TRPM3: variants seen among roughly 807,000 people sequenced by gnomAD.
The protein encoded by TRPM3 is long transient receptor potential channel 3.
In TRPM3, 77 loss-of-function variants were observed where a neutral mutation model predicts 181.2. The observed-to-expected ratio is 0.42, with a 90% CI of 0.35 to 0.51. The LOEUF (loss-of-function observed/expected upper bound fraction) is 0.51. Among genes scored for constraint, TRPM3 ranks in the 20% least tolerant of loss-of-function variants. TRPM3 has a pLI of 0.01. For missense variants in TRPM3, 1,759 were observed against 2,196.7 expected, an observed-to-expected ratio of 0.80 and a Z score of 3.98; for synonymous variants, 745 against 796.4, an observed-to-expected ratio of 0.94 and a Z score of 1.09.
At chr9:71,071,879 A>G (rs1159739018) in intron 1 of TRPM3, among the ~76,000 whole-genome samples, 1 of 152,196 alleles carries the variant, frequency 6.6e-6, no homozygotes, top group African/African-American at 2.4e-5. Flanking sequence ...GAGGGAATCA[A>G]TACACTTCAG....
chr9:71,355,523 T>G (rs1323925149), intron 1 of TRPM3, among the ~76,000 whole-genome samples: 1 of 152,182 alleles, frequency 6.6e-6, no homozygotes, highest in Admixed American at 6.6e-5. Flanking sequence ...ATTTCAGACT[T>G]GAAGTCCAGA....
chr9:71,056,912 G>A lies in TRPM3; in HGVS notation c.177+64266C>T, dbSNP rs951726960. The stretch of plus-strand genomic sequence containing the variant: ...TCATCCACACTCTGGAACTTGTTTG[G>A]TCTTGAGAGGAAAATCGTATCAATG... On this transcript the variant is annotated intron_variant, in intron 1 of 25. Coordinates refer to ENST00000677713, the MANE Select transcript of TRPM3 (RefSeq NM_001366145.2). 3.3e-5 allele frequency among the ~76,000 whole-genome samples: 5 copies of A among 151,998 alleles called. No individual in the cohort carries two copies. The East Asian group carries it at 9.7e-4, about 29-fold the overall frequency.
chr9:71,057,312 G>T (rs1364016773), intron 1 of TRPM3, among the ~76,000 whole-genome samples: 1 of 152,018 alleles, frequency 6.6e-6, no homozygotes, highest in African/African-American at 2.4e-5. Context: ...CCTAGCTTGG[G>T]CTTGGATTGG....
intron 1 of TRPM3, among the ~76,000 whole-genome samples, chr9:71,340,681 GA>G (rs1228740884): frequency 6.6e-6 from 1 of 152,072 alleles, no homozygotes; most frequent in Non-Finnish European, 1.5e-5. Flanking sequence ...TCAGCAGTGT[GA>G]AAACCGACTA....
rs58492210 is a variant in TRPM3 at position 70,572,114 on chromosome 9, T to TTGTGTGTGTGTGTGTGTGTG, written c.3224-18824_3224-18805dup. ...AGATACAATATTTCTTCCCAGTTAC[T>TTGTGTGTGTGTGTGTGTGTG]TGTGTGTGTGTGTGTGTGTGTGTGT... On this transcript the variant is annotated intron_variant, in intron 22 of 25. Transcript: ENST00000677713. Among the ~76,000 whole-genome samples, 429 of 149,954 alleles carry TTGTGTGTGTGTGTGTGTGTG rather than the reference T, an allele frequency of 2.9e-3. 3 individuals carry two copies. Among genetic ancestry groups the TTGTGTGTGTGTGTGTGTGTG allele is most frequent in the African/African-American group, 1.0e-2 (407 of 40,870 alleles).
chr9:71,097,617 CA>C lies in TRPM3; in HGVS notation c.177+23560del, dbSNP rs796195340. Among the ~76,000 whole-genome samples, 615 of 140,950 alleles carry C rather than the reference CA, an allele frequency of 4.4e-3. 1 individual carries two copies. Among genetic ancestry groups the C allele is most frequent in the Middle Eastern group, 7.2e-3 (2 of 276 alleles). The allele number at this position is 140,950 out of a possible 152,430, so 92.5% of individuals were successfully genotyped here. A position where few individuals can be genotyped will look rare whatever the true frequency, so the allele number is the denominator to read the frequency against. On this transcript the variant is annotated intron_variant, in intron 1 of 25. Transcript: ENST00000677713. ...AAACCAAATATATTCCATATAGGAC[CA>C]AAAAAAAAAAGTCCCACTATTCCAG...
intron 22 of TRPM3, among the ~76,000 whole-genome samples, chr9:70,584,496 A>G (rs529833641): frequency 1.3e-4 from 20 of 152,288 alleles, no homozygotes; most frequent in African/African-American, 4.3e-4. Flanking sequence ...ATTGATAAAC[A>G]CAGAAGAATC....
At chr9:70,699,771 G>A (rs933039342) in intron 8 of TRPM3, among the ~76,000 whole-genome samples, 1 of 152,140 alleles carries the variant, frequency 6.6e-6, no homozygotes, top group African/African-American at 2.4e-5. Flanking sequence ...CAGCTTCAGG[G>A]AAGCTGCACC....
intron 8 of TRPM3, among the ~76,000 whole-genome samples, chr9:70,682,928 G>A (rs890013425): frequency 2.0e-5 from 3 of 152,122 alleles, no homozygotes; most frequent in Non-Finnish European, 2.9e-5. Context: ...TATCACTATG[G>A]TAGTGAGAAT....
At chr9:70,763,339 GTC>G (rs2078505002) in intron 7 of TRPM3, among the ~76,000 whole-genome samples, 1 of 152,048 alleles carries the variant, frequency 6.6e-6, no homozygotes, top group Non-Finnish European at 1.5e-5. Flanking sequence ...GTGAGACTTT[GTC>G]TCTACAAAAA....
chr9:70,690,536 TTTTA>T (rs1323538485), intron 8 of TRPM3, among the ~76,000 whole-genome samples: 1 of 141,972 alleles, frequency 7.0e-6, no homozygotes, highest in Non-Finnish European at 1.5e-5. Flanking sequence ...TGAAATAACT[TTTTA>T]TTTATTTATT....
At chr9:71,086,592 G>T (rs2065301522) in intron 1 of TRPM3, among the ~76,000 whole-genome samples, 3 of 151,992 alleles carry the variant, frequency 2.0e-5, no homozygotes, top group Admixed American at 6.6e-5. Flanking sequence ...GGAACTTCAG[G>T]TTGATGGAGA....
At chr9:70,562,172 T>G (rs2049266918) in intron 22 of TRPM3, among the ~76,000 whole-genome samples, 1 of 152,204 alleles carries the variant, frequency 6.6e-6, no homozygotes, top group Non-Finnish European at 1.5e-5. Context: ...ACAAAGGTTA[T>G]AAACTAGTGA....
At chr9:71,210,563 C>T (rs2079430048) in intron 1 of TRPM3, among the ~76,000 whole-genome samples, 1 of 152,072 alleles carries the variant, frequency 6.6e-6, no homozygotes, top group Admixed American at 6.6e-5. Context: ...TCCTTACTTC[C>T]AAGAGGCCCC....
chr9:71,007,934 G>A (rs960679956), intron 1 of TRPM3, among the ~76,000 whole-genome samples: 3 of 151,812 alleles, frequency 2.0e-5, no homozygotes, highest in African/African-American at 7.3e-5. Context: ...GATCAGAGCA[G>A]AAATAAACAA....
At chr9:71,273,786 C>T (rs889445001) in intron 1 of TRPM3, among the ~76,000 whole-genome samples, 3 of 152,186 alleles carry the variant, frequency 2.0e-5, no homozygotes, top group Non-Finnish European at 4.4e-5. Context: ...GGTTACTCTG[C>T]CCTAGATGCA....
At chr9:70,606,705 T>C (rs1334782218) in intron 19 of TRPM3, among the ~76,000 whole-genome samples, 1 of 151,748 alleles carries the variant, frequency 6.6e-6, no homozygotes, top group Non-Finnish European at 1.5e-5. Flanking sequence ...GTATGTAGAA[T>C]TTCCAAGCTT....
At chr9:70,852,273 T>C (rs13290608) in intron 3 of TRPM3, among the ~76,000 whole-genome samples, 30,626 of 151,662 alleles carry the variant, frequency 0.2, 3,231 homozygotes, top group East Asian at 0.28. Context: ...CCTTCTCACA[T>C]ACTCCTCCCA....
chr9:71,174,932 G>A (rs183256745), intron 1 of TRPM3, among the ~76,000 whole-genome samples: 2 of 152,302 alleles, frequency 1.3e-5, no homozygotes, highest in African/African-American at 4.8e-5. Flanking sequence ...ATCTTTAAAA[G>A]TAGAAGAGGA....
Sources: allele counts gnomAD v4.1 joint callset (sites outside exome capture counted in the v4.1 genomes callset), GRCh38; gene constraint gnomAD v4.1.1; transcripts MANE v1.5; gene names NCBI Gene and HGNC (gene_info 2026-07-23, HGNC 2026-07-21).